The following OR1J2 variants were observed in gnomAD, a reference collection of about 807,000 sequenced individuals.
OR1J2 encodes the protein olfactory receptor family 1 subfamily J member 2.
For synonymous variants in OR1J2, 142 were observed against 99.7 expected, an observed-to-expected ratio of 1.42 and a Z score of -2.52; for missense variants, 304 against 246.1, an observed-to-expected ratio of 1.24 and a Z score of -1.57.
At chr9:122,524,873 T>C in the OR1J2 span, among the ~76,000 whole-genome samples, 4 of 152,122 alleles carry the variant, frequency 2.6e-5, no homozygotes, top group African/African-American at 9.7e-5. Context: ...TCAGGGGCCT[T>C]AGAGCTCTCC....
chr9:122,567,901 T>G, the OR1J2 span: 1 of 1,613,996 alleles, frequency 6.2e-7, no homozygotes, highest in East Asian at 2.2e-5. Flanking sequence ...TTGACAAATA[T>G]GGAAGAGCAG....
At chr9:122,476,056 A>G in the OR1J2 span, among the ~76,000 whole-genome samples, 1 of 152,154 alleles carries the variant, frequency 6.6e-6, no homozygotes, top group Non-Finnish European at 1.5e-5. Context: ...TTTTGTCAGA[A>G]TTAAGTTAGA....
At chr9:122,454,476 C>T in the OR1J2 span, among the ~76,000 whole-genome samples, 1 of 152,060 alleles carries the variant, frequency 6.6e-6, no homozygotes, top group African/African-American at 2.4e-5. Context: ...TGAGATCATG[C>T]CACTGCACTC....
chr9:122,538,288 C>G, the OR1J2 span, among the ~76,000 whole-genome samples: 1 of 152,142 alleles, frequency 6.6e-6, no homozygotes. Context: ...CTCTCATCAT[C>G]TATGATTTCT....
At chr9:122,455,774 A>G in the OR1J2 span, among the ~76,000 whole-genome samples, 41,448 of 152,028 alleles carry the variant, frequency 0.27, 5,837 homozygotes, top group South Asian at 0.35. Context: ...TGAAACTTGG[A>G]CAAATTCAAG....
chr9:122,519,361 C>G, the OR1J2 span: 111 of 1,614,154 alleles, frequency 6.9e-5, 3 homozygotes, highest in Middle Eastern at 1.3e-3. Context: ...ATCTCCCTTT[C>G]ATCTGTCACT....
At chr9:122,470,866 A>G in the OR1J2 span, among the ~76,000 whole-genome samples, 1 of 152,150 alleles carries the variant, frequency 6.6e-6, no homozygotes, top group Non-Finnish European at 1.5e-5. Flanking sequence ...TCAGACTTGC[A>G]TGGGGCCTGT....
At chr9:122,527,234 C>A in the OR1J2 span, 2 of 1,613,848 alleles carry the variant, frequency 1.2e-6, no homozygotes, top group Non-Finnish European at 1.7e-6. Flanking sequence ...ACTGCTGTTG[C>A]TCTGGAGGCG....
At chr9:122,478,258 G>A in the OR1J2 span, among the ~76,000 whole-genome samples, 1 of 152,200 alleles carries the variant, frequency 6.6e-6, no homozygotes, top group African/African-American at 2.4e-5. Flanking sequence ...GGGTGGTACT[G>A]TTATTATTTC....
At chr9:122,550,234 G>A in the OR1J2 span, among the ~76,000 whole-genome samples, 1 of 152,010 alleles carries the variant, frequency 6.6e-6, no homozygotes, top group Non-Finnish European at 1.5e-5. Flanking sequence ...AACCAATACT[G>A]AGTAGTGAGA....
the OR1J2 span, among the ~76,000 whole-genome samples, chr9:122,557,853 T>G: frequency 1.2e-3 from 181 of 152,132 alleles, no homozygotes; most frequent in Admixed American, 2.2e-3. Flanking sequence ...TACTTTCTGT[T>G]TGGGAAAGTT....
the OR1J2 span, among the ~76,000 whole-genome samples, chr9:122,486,391 A>G: frequency 3.3e-5 from 5 of 152,216 alleles, no homozygotes; most frequent in Non-Finnish European, 7.3e-5. Flanking sequence ...TTCAAAGACT[A>G]TATTCTTCCC....
downstream of OR1J2, among the ~76,000 whole-genome samples, chr9:122,513,131 C>T (rs765584862): frequency 6.6e-6 from 1 of 152,138 alleles, no homozygotes; most frequent in Non-Finnish European, 1.5e-5. Flanking sequence ...CATAAAATAG[C>T]ATTTTTGTGG....
the OR1J2 span, among the ~76,000 whole-genome samples, chr9:122,487,073 C>T: frequency 3.3e-4 from 50 of 151,656 alleles, no homozygotes; most frequent in Non-Finnish European, 6.8e-4. Context: ...GTTGTTGATA[C>T]CTATATTCCA....
At chr9:122,575,968 T>C in the OR1J2 span, among the ~76,000 whole-genome samples, 1 of 152,222 alleles carries the variant, frequency 6.6e-6, no homozygotes, top group Non-Finnish European at 1.5e-5. Context: ...ATTTCACATA[T>C]ACATGAGAGT....
the OR1J2 span, among the ~76,000 whole-genome samples, chr9:122,539,129 T>A: frequency 2.0e-5 from 3 of 151,958 alleles, no homozygotes; most frequent in Non-Finnish European, 4.4e-5. Context: ...ATCTATTTTT[T>A]AATTATACTT....
chr9:122,555,170 A>C, the OR1J2 span, among the ~76,000 whole-genome samples: 2 of 152,220 alleles, frequency 1.3e-5, no homozygotes, highest in Non-Finnish European at 2.9e-5. Flanking sequence ...AGAGAAAAAG[A>C]AGCACTGAAA....
chr9:122,497,490 G>A, the OR1J2 span, among the ~76,000 whole-genome samples: 4 of 152,124 alleles, frequency 2.6e-5, no homozygotes, highest in Non-Finnish European at 5.9e-5. Context: ...AGGATCTTTT[G>A]TATTTATGTG....
At chr9:122,479,677 T>C in the OR1J2 span, among the ~76,000 whole-genome samples, 1 of 152,224 alleles carries the variant, frequency 6.6e-6, no homozygotes, top group Admixed American at 6.5e-5. Flanking sequence ...CGAGACAATT[T>C]CTCAACATAT....
Sources: gnomAD v4.1 joint callset for allele counts (sites outside exome capture counted in the v4.1 genomes callset) on GRCh38, gnomAD v4.1.1 for gene constraint, MANE v1.5 for transcripts, NCBI Gene and HGNC (gene_info 2026-07-23, HGNC 2026-07-21) for gene names.